The following DCAF5 variants were observed in gnomAD, a reference collection of about 807,000 sequenced individuals.
DCAF5 encodes DDB1- and CUL4-associated factor 5.
In DCAF5, 9 loss-of-function variants were observed where a neutral mutation model predicts 80.7. The ratio of observed to expected loss-of-function variants is 0.11; its 90% CI spans 0.07 to 0.19. The LOEUF (loss-of-function observed/expected upper bound fraction) is 0.19, where lower values mean the gene tolerates loss of function less well. Ranked by LOEUF, DCAF5 falls within the 10% of genes least tolerant of loss-of-function variation. The pLI is 1.00. For missense variants in DCAF5, 842 were observed against 1,205.7 expected, an observed-to-expected ratio of 0.70 and a Z score of 4.47; for synonymous variants, 433 against 461.9, an observed-to-expected ratio of 0.94 and a Z score of 0.80.
intron 7 of DCAF5, among the ~76,000 whole-genome samples, chr14:69,067,156 A>T (rs73277013): frequency 0.011 from 1,678 of 152,228 alleles, 32 homozygotes; most frequent in African/African-American, 0.039. Flanking sequence ...ACTGTATCCC[A>T]AGTCTCTAGA....
chr14:69,147,888 A>G (rs1273534696), intron 1 of DCAF5, among the ~76,000 whole-genome samples: 1 of 152,152 alleles, frequency 6.6e-6, no homozygotes. Flanking sequence ...CTAGCTCTAT[A>G]AGTTCCAATG....
intron 1 of DCAF5, among the ~76,000 whole-genome samples, chr14:69,136,266 T>A (rs571575394): frequency 5.3e-5 from 8 of 151,946 alleles, no homozygotes; most frequent in Admixed American, 2.0e-4. Flanking sequence ...CAGGTGCACA[T>A]CACCATGCCT....
At chr14:69,117,804 A>C (rs966122640) in intron 4 of DCAF5, among the ~76,000 whole-genome samples, 3 of 152,192 alleles carry the variant, frequency 2.0e-5, no homozygotes, top group Admixed American at 6.5e-5. Context: ...AGGATGCAGG[A>C]AAGTGCATAA....
At chr14:69,140,271 A>G (rs2041325561) in intron 1 of DCAF5, among the ~76,000 whole-genome samples, 1 of 152,036 alleles carries the variant, frequency 6.6e-6, no homozygotes, top group South Asian at 2.1e-4. Context: ...TGTCTAAAAA[A>G]AAAAGAGAGA....
chr14:69,066,450 T>A (rs1594938053), intron 7 of DCAF5, among the ~76,000 whole-genome samples: 1 of 152,236 alleles, frequency 6.6e-6, no homozygotes, highest in Middle Eastern at 3.4e-3. Flanking sequence ...ACACTCCTTT[T>A]TAAGTTTAGT....
At position 69,054,675 on chromosome 14, in the gene DCAF5, A is replaced by C. The variant is rs1055447114; in HGVS notation, c.2011T>G (p.Tyr671Asp). 23 of 1,614,226 alleles carry C rather than the reference A, an allele frequency of 1.4e-5. No homozygotes were observed. The highest frequency in any genetic ancestry group is 1.9e-5 in the Non-Finnish European group (22 of 1,180,036). Reference sequence around the variant, plus strand: ...TCTTTGTTATTTGAGTAGGAGATATAAGAGTAGCGGAGCCACTTGTAAGCT... The same window carrying C: ...TCTTTGTTATTTGAGTAGGAGATATCAGAGTAGCGGAGCCACTTGTAAGCT... ...YKAYKWLRYS[Y>D]ISYSNNKDGE... The change falls in exon 9 of 9, where the codon TAT becomes GAT. Residue 671 changes from tyrosine (Y) to aspartate (D), a missense_variant. Around this residue, in one of 5 missense-constraint regions of DCAF5, gnomAD observed 607 missense variants for 656.6 expected, o/e 0.92. Coordinates refer to ENST00000341516, the MANE Select transcript of DCAF5 (RefSeq NM_003861.3).
chr14:69,090,115 A>G (rs1234048272), intron 6 of DCAF5: 1 of 985,072 alleles, frequency 1.0e-6, no homozygotes, highest in Non-Finnish European at 1.2e-6. Flanking sequence ...TATTCAACAA[A>G]ACAAGAATTA....
chr14:69,110,297 G>T, intron 5 of DCAF5, among the ~76,000 whole-genome samples: 1 of 125,910 alleles, frequency 7.9e-6, no homozygotes, highest in Admixed American at 9.2e-5. Flanking sequence ...TTGAGACAGA[G>T]TCTCACTCCG....
rs1019459125 is a variant in DCAF5 at position 69,118,544 on chromosome 14, A to C, written c.396-266T>G. ...AAGTGACTCAATAGCTGAGTTTTGTATTTTCATTTATTACAGAATGCATCT... is the reference window on the plus strand; with the variant it reads ...AAGTGACTCAATAGCTGAGTTTTGTCTTTTCATTTATTACAGAATGCATCT... On this transcript the variant is annotated intron_variant, in intron 3 of 8. Transcript: ENST00000341516. The surrounding 1 kb of genome is among the most constrained non-coding windows in gnomAD (Gnocchi z 4.0). 2.0e-5 allele frequency among the ~76,000 whole-genome samples: 3 copies of C among 152,154 alleles called. No homozygotes were observed. The highest frequency in any genetic ancestry group is 6.6e-5 in the Admixed American group (1 of 15,264).
chr14:69,097,883 C>G (rs1438395507), intron 5 of DCAF5, among the ~76,000 whole-genome samples: 1 of 152,000 alleles, frequency 6.6e-6, no homozygotes, highest in Non-Finnish European at 1.5e-5. Flanking sequence ...GCCACCATGC[C>G]CGGCCACCCA....
At position 69,053,799 on chromosome 14, in the gene DCAF5, C is replaced by T. The variant is rs1052478322; in HGVS notation, c.*58G>A. 1 of 1,412,832 alleles carries T rather than the reference C, an allele frequency of 7.1e-7. No homozygotes were observed. The highest frequency in any genetic ancestry group is 2.5e-5 in the East Asian group (1 of 40,618). 87.5% of individuals were successfully genotyped at this position (1,412,832 alleles called of 1,614,324 possible). A position where few individuals can be genotyped will look rare whatever the true frequency, so the allele number is the denominator to read the frequency against. On this transcript the variant is annotated 3_prime_UTR_variant, in exon 9 of 9. Coordinates refer to ENST00000341516, the MANE Select transcript of DCAF5 (RefSeq NM_003861.3). Reference sequence around the variant, plus strand: ...TTTCCTTTCCTCTGTATTCACTAAACAATTTTTTTTTTTTTGTAAGGCTAC... The same window carrying T: ...TTTCCTTTCCTCTGTATTCACTAAATAATTTTTTTTTTTTTGTAAGGCTAC...
intron 2 of DCAF5, among the ~76,000 whole-genome samples, chr14:69,120,224 C>T (rs72720212): frequency 0.054 from 8,148 of 152,152 alleles, 323 homozygotes; most frequent in Non-Finnish European, 0.084. Flanking sequence ...GCTGGAACTA[C>T]AGGCATGTGT....
chr14:69,116,885 A>G (rs2040560842), intron 4 of DCAF5, among the ~76,000 whole-genome samples: 1 of 152,192 alleles, frequency 6.6e-6, no homozygotes, highest in South Asian at 2.1e-4. Context: ...ATCCAATTGT[A>G]TTAGTTTTAG....
chr14:69,054,135 A>G lies in DCAF5; in HGVS notation c.2551T>C (p.Leu851=). ...PPHPHNNGQN[L]GELEVVAYSS... is the part of the protein sequence containing the mutation. ...TAGGCCACCACCTCCAGCTCCCCCAAGTTCTGCCCGTTATTGTGAGGGTGA... is the reference window on the plus strand; with the variant it reads ...TAGGCCACCACCTCCAGCTCCCCCAGGTTCTGCCCGTTATTGTGAGGGTGA... The change falls in exon 9 of 9, where the codon TTG becomes CTG. Residue 851 remains leucine, a synonymous_variant. Coordinates refer to ENST00000341516, the MANE Select transcript of DCAF5 (RefSeq NM_003861.3). 1.2e-6 allele frequency: 2 copies of G among 1,614,214 alleles called. No individual in the cohort carries two copies. Among genetic ancestry groups the G allele is most frequent in the South Asian group, 1.1e-5 (1 of 91,084 alleles).
Position 69,054,565 on chromosome 14 carries a change from A to G in DCAF5, c.2121T>C (p.Ser707=), listed in dbSNP as rs1350189137. The G allele has an allele frequency of 6.2e-7, 1 of 1,614,168 alleles. No individual in the cohort carries two copies. The highest frequency in any genetic ancestry group is 8.5e-7 in the Non-Finnish European group (1 of 1,180,008). Residue 707 remains serine (S), a synonymous_variant, in exon 9 of 9, where the codon AGT becomes AGC. Transcript: ENST00000341516. ...TTGCTATGTTTAGACAGGCTTCCTT[A>G]CTGGAAGAAGGGGCTGGGTTGTCTT... is the stretch of plus-strand genomic sequence containing the variant. ...SHKDNPAPSS[S]KEACLNIAMA...
At chr14:69,106,574 G>T (rs1031718017) in intron 5 of DCAF5, among the ~76,000 whole-genome samples, 1 of 151,952 alleles carries the variant, frequency 6.6e-6, no homozygotes, top group Non-Finnish European at 1.5e-5. Flanking sequence ...TAGGGTGTAT[G>T]TTGCCCAGGC....
rs142025502 is a variant in DCAF5 at position 69,118,304 on chromosome 14, G to A, written c.396-26C>T. ...CTGGGAGATAAGAGAGCAAGACAGAGGCACACACATACACACAAGCATAGT... is the reference window on the plus strand; with the variant it reads ...CTGGGAGATAAGAGAGCAAGACAGAAGCACACACATACACACAAGCATAGT... On this transcript the variant is annotated intron_variant, in intron 3 of 8. Coordinates refer to ENST00000341516, the MANE Select transcript of DCAF5 (RefSeq NM_003861.3). The surrounding 1 kb of genome is among the most constrained non-coding windows in gnomAD (Gnocchi z 4.0). The A allele has an allele frequency of 5.3e-4, 860 of 1,612,306 alleles. 4 individuals carry two copies. In the African/African-American group the frequency reaches 0.01, roughly 19 times the overall value.
At chr14:69,104,419 A>G (rs2040061369) in intron 5 of DCAF5, among the ~76,000 whole-genome samples, 1 of 152,172 alleles carries the variant, frequency 6.6e-6, no homozygotes, top group South Asian at 2.1e-4. Flanking sequence ...AAGCTTCTAG[A>G]TCTAATACCA....
At chr14:69,113,068 G>A (rs563573513) in intron 5 of DCAF5, among the ~76,000 whole-genome samples, 2 of 152,112 alleles carry the variant, frequency 1.3e-5, no homozygotes, top group South Asian at 4.2e-4. Context: ...TTATTTCAGG[G>A]CAGCAGTGGG....
Sources: gnomAD v4.1 joint callset for allele counts (sites outside exome capture counted in the v4.1 genomes callset) on GRCh38, gnomAD v4.1.1 for gene constraint, gnomAD v4.1.1 regional missense constraint, Gnocchi (gnomAD v3.1) non-coding constraint, MANE v1.5 for transcripts, NCBI Gene and HGNC (gene_info 2026-07-23, HGNC 2026-07-21) for gene names.